CADPS2: variants seen among roughly 807,000 people sequenced by gnomAD.
The protein encoded by CADPS2 is calcium-dependent secretion activator 2.
CADPS2 carries 93 observed loss-of-function variants against 172.5 expected under a neutral mutation model. The observed-to-expected ratio is 0.54, with a 90% CI of 0.46 to 0.64. The LOEUF (loss-of-function observed/expected upper bound fraction) is 0.64, where lower values mean the gene tolerates loss of function less well. CADPS2 is among the 30% of genes least tolerant of loss of function. CADPS2 has a pLI of 0.00. For missense variants in CADPS2, 1,420 were observed against 1,565.9 expected (o/e 0.91, Z 1.57); for synonymous variants, 546 against 555.2 (o/e 0.98, Z 0.23).
chr7:122,644,652 C>T (rs2078102916), intron 3 of CADPS2, among the ~76,000 whole-genome samples: 1 of 152,034 alleles, frequency 6.6e-6, no homozygotes, highest in Admixed American at 6.6e-5. Flanking sequence ...AGAGGCAGCC[C>T]CCTCAAAAAC....
At chr7:122,686,605 G>T (rs764441788) in intron 2 of CADPS2, among the ~76,000 whole-genome samples, 3 of 152,192 alleles carry the variant, frequency 2.0e-5, no homozygotes, top group East Asian at 3.9e-4. Context: ...GAGGCTGCTC[G>T]AAGATGCTTT....
intron 7 of CADPS2, among the ~76,000 whole-genome samples, chr7:122,576,603 T>C (rs1469781499): frequency 6.6e-6 from 1 of 152,160 alleles, no homozygotes; most frequent in Non-Finnish European, 1.5e-5. Flanking sequence ...CAAGTATGCA[T>C]CTGATATGGT....
At chr7:122,682,415 G>T (rs914946280) in intron 2 of CADPS2, among the ~76,000 whole-genome samples, 4 of 152,206 alleles carry the variant, frequency 2.6e-5, no homozygotes, top group African/African-American at 9.7e-5. Context: ...TGGTGTGATA[G>T]AAAAGTCTGA....
At chr7:122,798,089 C>T (rs1041403954) in intron 1 of CADPS2, among the ~76,000 whole-genome samples, 1 of 151,198 alleles carries the variant, frequency 6.6e-6, no homozygotes, top group Non-Finnish European at 1.5e-5. Context: ...AACAGTTTTC[C>T]AATGCAGTTG....
intron 8 of CADPS2, among the ~76,000 whole-genome samples, chr7:122,541,857 T>G (rs369344568): frequency 1.3e-5 from 1 of 79,036 alleles, no homozygotes; most frequent in Non-Finnish European, 3.5e-5. Context: ...TCATATATAT[T>G]TATATATATG....
intron 2 of CADPS2, among the ~76,000 whole-genome samples, chr7:122,678,101 T>C (rs2082575409): frequency 6.6e-6 from 1 of 152,202 alleles, no homozygotes. Context: ...CATTAGGTCC[T>C]TGTGGTAATG....
chr7:122,606,757 G>A (rs1209736783), intron 6 of CADPS2, among the ~76,000 whole-genome samples: 1 of 152,020 alleles, frequency 6.6e-6, no homozygotes, highest in Non-Finnish European at 1.5e-5. Context: ...GAAAAAGAAG[G>A]TATAATACAC....
chr7:122,438,255 G>C, intron 17 of CADPS2, 86 bp downstream of exon 17: 1 of 1,524,112 alleles, frequency 6.6e-7, no homozygotes, highest in Non-Finnish European at 9.0e-7. Context: ...GATTGTTCAG[G>C]AAAGGAAAGG....
chr7:122,503,992 A>G (rs2130546757), intron 9 of CADPS2, among the ~76,000 whole-genome samples: 1 of 152,340 alleles, frequency 6.6e-6, no homozygotes, highest in East Asian at 1.9e-4. Context: ...GAAGACAACC[A>G]TATTAAGGTA....
chr7:122,348,298 A>G (rs989105900), intron 27 of CADPS2, among the ~76,000 whole-genome samples: 11 of 152,196 alleles, frequency 7.2e-5, no homozygotes, highest in African/African-American at 2.7e-4. Context: ...TTATAAGATT[A>G]GACTATCATG....
intron 3 of CADPS2, among the ~76,000 whole-genome samples, chr7:122,662,680 C>A (rs1393113398): frequency 1.3e-5 from 2 of 152,006 alleles, no homozygotes; most frequent in African/African-American, 4.8e-5. Context: ...GCCTTTATCC[C>A]ATTTTTGTAT....
At chr7:122,569,467 T>G (rs1192884632) in intron 7 of CADPS2, among the ~76,000 whole-genome samples, 1 of 151,494 alleles carries the variant, frequency 6.6e-6, no homozygotes. Context: ...CAAGGTAATT[T>G]ATAGATTCAA....
intron 1 of CADPS2, among the ~76,000 whole-genome samples, chr7:122,852,521 A>G (rs1292825524): frequency 1.3e-5 from 2 of 152,194 alleles, no homozygotes; most frequent in African/African-American, 4.8e-5. Flanking sequence ...GCAACTTTAA[A>G]TAGGGAGGCC....
At chr7:122,531,909 T>C (rs1005702474) in intron 8 of CADPS2, among the ~76,000 whole-genome samples, 4 of 151,956 alleles carry the variant, frequency 2.6e-5, no homozygotes, top group Non-Finnish European at 4.4e-5. Context: ...CAGGTGCCTG[T>C]AATCCCAGCT....
In CADPS2 at chr7:122,720,526, G is replaced by A. The variant is rs891521837; in HGVS notation, c.453+16429C>T. ...TACGTATAAGTATATATACATATGT[G>A]TATGCAGATATGTATGTGTATGTAT... On this transcript the variant is annotated intron_variant, in intron 2 of 29. Transcript: ENST00000449022. Among the ~76,000 whole-genome samples the A allele has an allele frequency of 1.3e-5, 2 of 150,878 alleles. 1 individual carries two copies. The highest frequency in any genetic ancestry group is 1.3e-4 in the Admixed American group (2 of 15,060).
rs778498652 is a variant in CADPS2, at chr7:122,752,078, C to T, written c.340-15010G>A. On this transcript the variant is annotated intron_variant, in intron 1 of 29. Coordinates refer to ENST00000449022, the MANE Select transcript of CADPS2 (RefSeq NM_017954.11). ...CAAGAAAACTCAAGAACACTCAAAA[C>T]GAATTCAGGAAGCTAAAAACTGAAA... Among the ~76,000 whole-genome samples, 8 of 151,694 alleles carry T rather than the reference C, an allele frequency of 5.3e-5. No individual in the cohort carries two copies. The South Asian group carries it at 1.5e-3, about 28-fold the overall frequency.
intron 15 of CADPS2, among the ~76,000 whole-genome samples, chr7:122,448,980 C>T (rs538373558): frequency 2.0e-5 from 3 of 152,164 alleles, no homozygotes; most frequent in South Asian, 4.2e-4. Flanking sequence ...GGGGATGAAG[C>T]TATCCCATGA....
intron 3 of CADPS2, among the ~76,000 whole-genome samples, chr7:122,641,401 A>T (rs1295038900): frequency 1.3e-5 from 2 of 152,156 alleles, no homozygotes; most frequent in African/African-American, 4.8e-5. Flanking sequence ...TCGGTTAGGG[A>T]ATTCTTGAAT....
At chr7:122,592,736 G>C (rs980281691) in intron 6 of CADPS2, among the ~76,000 whole-genome samples, 14 of 149,638 alleles carry the variant, frequency 9.4e-5, no homozygotes. Flanking sequence ...CTATCACAAG[G>C]ACAGAAAACC....
Sources: allele counts gnomAD v4.1 joint callset (sites outside exome capture counted in the v4.1 genomes callset), GRCh38; gene constraint gnomAD v4.1.1; transcripts MANE v1.5; gene names NCBI Gene and HGNC (gene_info 2026-07-23, HGNC 2026-07-21).